Variants in DNER observed in about 807,000 individuals in gnomAD.
DNER encodes the protein delta and Notch-like epidermal growth factor-related receptor.
In DNER, 33 loss-of-function variants were observed where a neutral mutation model predicts 78.2. The ratio of observed to expected loss-of-function variants is 0.42; its 90% confidence interval spans 0.32 to 0.56. The LOEUF (loss-of-function observed/expected upper bound fraction) is 0.56, where lower values mean the gene tolerates loss of function less well. Among genes scored for constraint, DNER ranks in the 20% least tolerant of loss-of-function variants. The pLI is 0.11. For synonymous variants in DNER, 417 were observed against 384.8 expected (o/e 1.08, Z -0.98); for missense variants, 918 against 975.3 (o/e 0.94, Z 0.78).
At chr2:229,485,818 A>AC (rs1488938321) in intron 6 of DNER, among the ~76,000 whole-genome samples, 1 of 148,178 alleles carries the variant, frequency 6.7e-6, no homozygotes, top group African/African-American at 2.5e-5. Flanking sequence ...TACTGAAATA[A>AC]TAAAAAAAAA....
chr2:229,491,675 A>T (rs1695402158), intron 6 of DNER, among the ~76,000 whole-genome samples: 2 of 151,752 alleles, frequency 1.3e-5, no homozygotes, highest in African/African-American at 4.8e-5. Context: ...ATTTTTCTTC[A>T]TCCCTTTACC....
At chr2:229,400,031 A>G (rs1221664001) in intron 10 of DNER, among the ~76,000 whole-genome samples, 1 of 152,074 alleles carries the variant, frequency 6.6e-6, no homozygotes, top group African/African-American at 2.4e-5. Flanking sequence ...TCTAGTTCAT[A>G]AAGTTGTTTT....
At chr2:229,440,784 CAT>C (rs1364034937) in intron 8 of DNER, among the ~76,000 whole-genome samples, 2 of 152,184 alleles carry the variant, frequency 1.3e-5, no homozygotes, top group Non-Finnish European at 2.9e-5. Flanking sequence ...CCTTTGACTC[CAT>C]TCACACCCTT....
chr2:229,493,372 C>A (rs932276627), intron 6 of DNER, among the ~76,000 whole-genome samples: 2 of 152,096 alleles, frequency 1.3e-5, no homozygotes, highest in Non-Finnish European at 2.9e-5. Flanking sequence ...GAATTATATT[C>A]TTGAAATTAG....
chr2:229,505,681 G>A (rs1695725621), intron 6 of DNER, among the ~76,000 whole-genome samples: 2 of 152,148 alleles, frequency 1.3e-5, no homozygotes, highest in Admixed American at 1.3e-4. Context: ...CCTTTCACAT[G>A]GAGGGATTTT....
chr2:229,360,570 G>A (rs1364544009), intron 12 of DNER, among the ~76,000 whole-genome samples: 1 of 152,010 alleles, frequency 6.6e-6, no homozygotes, highest in African/African-American at 2.4e-5. Context: ...CCGCCACCAC[G>A]CCCAGCTAAT....
chr2:229,383,829 C>A (rs1300760039), intron 11 of DNER, among the ~76,000 whole-genome samples: 1 of 152,188 alleles, frequency 6.6e-6, no homozygotes, highest in Non-Finnish European at 1.5e-5. Context: ...TAACACCCTA[C>A]TGTCAATATT....
chr2:229,703,221 G>C (rs1699777727), intron 1 of DNER, among the ~76,000 whole-genome samples: 1 of 152,102 alleles, frequency 6.6e-6, no homozygotes, highest in Non-Finnish European at 1.5e-5. Flanking sequence ...ATAAAATAAA[G>C]AGTCCAGAAA....
chr2:229,486,292 G>A (rs1446542284), intron 6 of DNER, among the ~76,000 whole-genome samples: 5 of 151,698 alleles, frequency 3.3e-5, no homozygotes, highest in Non-Finnish European at 7.4e-5. Context: ...AAAAACCAAA[G>A]GCAAAGAAAG....
At chr2:229,513,626 T>C (rs1265674008) in intron 5 of DNER, among the ~76,000 whole-genome samples, 1 of 152,180 alleles carries the variant, frequency 6.6e-6, no homozygotes, top group African/African-American at 2.4e-5. Flanking sequence ...CCCTTCTTAA[T>C]GACAGCCTAG....
chr2:229,541,786 T>C (rs1200573763), intron 5 of DNER, among the ~76,000 whole-genome samples: 2 of 151,438 alleles, frequency 1.3e-5, no homozygotes, highest in Non-Finnish European at 2.9e-5. Context: ...CCCCATTAGA[T>C]ATTGCACTTG....
chr2:229,548,764 CA>C (rs1439448404), intron 4 of DNER, among the ~76,000 whole-genome samples: 1 of 151,938 alleles, frequency 6.6e-6, no homozygotes. Flanking sequence ...AAAAAACAAA[CA>C]AACAAAAAAA....
intron 1 of DNER, among the ~76,000 whole-genome samples, chr2:229,638,920 G>C (rs1698569666): frequency 6.6e-6 from 1 of 152,180 alleles, no homozygotes; most frequent in African/African-American, 2.4e-5. Flanking sequence ...CTCAAGGCCA[G>C]GTCTCCAGGC....
intron 1 of DNER, among the ~76,000 whole-genome samples, chr2:229,646,027 A>T (rs1450142321): frequency 2.6e-5 from 4 of 152,206 alleles, no homozygotes; most frequent in Non-Finnish European, 1.5e-5. Context: ...CAAGGGGTGG[A>T]TGAATTCCCT....
At chr2:229,655,201 G>T (rs1191565635) in intron 1 of DNER, among the ~76,000 whole-genome samples, 1 of 151,758 alleles carries the variant, frequency 6.6e-6, no homozygotes, top group Non-Finnish European at 1.5e-5. Context: ...TACATATTAG[G>T]CCAGGTGCAA....
At chr2:229,380,739 A>G (rs1692716403) in intron 11 of DNER, among the ~76,000 whole-genome samples, 1 of 152,062 alleles carries the variant, frequency 6.6e-6, no homozygotes, top group African/African-American at 2.4e-5. Flanking sequence ...ATCCTGGCCA[A>G]CATAGTGAAA....
At chr2:229,451,883 C>T (rs548799758) in intron 7 of DNER, among the ~76,000 whole-genome samples, 20 of 152,240 alleles carry the variant, frequency 1.3e-4, no homozygotes, top group African/African-American at 4.8e-4. Context: ...ATCACTCTAG[C>T]TTTATGTCAA....
At chr2:229,359,696 C>T (rs1440969375) in intron 12 of DNER, among the ~76,000 whole-genome samples, 1 of 152,054 alleles carries the variant, frequency 6.6e-6, no homozygotes, top group Non-Finnish European at 1.5e-5. Context: ...CCTATTTTTT[C>T]CTTTGATATG....
At chr2:229,595,057 A>G (rs1206009336) in intron 1 of DNER, among the ~76,000 whole-genome samples, 1 of 151,816 alleles carries the variant, frequency 6.6e-6, no homozygotes, top group African/African-American at 2.4e-5. Flanking sequence ...ACATCTAGTA[A>G]CCTAGTACAA....
Sources: gnomAD v4.1 joint callset for allele counts (sites outside exome capture counted in the v4.1 genomes callset) on GRCh38, gnomAD v4.1.1 for gene constraint, MANE v1.5 for transcripts, NCBI Gene and HGNC (gene_info 2026-07-23, HGNC 2026-07-21) for gene names.